FRK: variants seen among roughly 807,000 people sequenced by gnomAD.
FRK encodes fyn related Src family tyrosine kinase, also known as tyrosine-protein kinase FRK.
FRK carries 51 observed loss-of-function variants against 56.4 expected under a neutral mutation model. That is an observed-to-expected ratio of 0.90 (90% CI 0.72 to 1.14). FRK has a LOEUF of 1.14. Ranked by LOEUF, FRK falls within the 50% of genes most tolerant of loss-of-function variation. The pLI, the probability that FRK is intolerant of heterozygous loss-of-function variation, is 0.00. For missense variants in FRK, 570 were observed against 601.4 expected (o/e 0.95, Z 0.55); for synonymous variants, 245 against 217.9 (o/e 1.12, Z -1.10).
the FRK span, among the ~76,000 whole-genome samples, chr6:116,081,189 G>A: frequency 2.0e-4 from 30 of 152,178 alleles, no homozygotes; most frequent in South Asian, 6.2e-4. Flanking sequence ...ACAACATGCA[G>A]GGATTATGGG....
the FRK span, among the ~76,000 whole-genome samples, chr6:116,082,298 T>G: frequency 6.6e-6 from 1 of 152,202 alleles, no homozygotes; most frequent in Non-Finnish European, 1.5e-5. Flanking sequence ...TGAGTGAGGC[T>G]AAAAGCCACT....
chr6:116,098,169 T>G, the FRK span, among the ~76,000 whole-genome samples: 1 of 143,930 alleles, frequency 6.9e-6, no homozygotes, highest in Admixed American at 7.4e-5. Context: ...TGGAGTGCGA[T>G]GGCCTGATTC....
chr6:116,000,097 G>A (rs796228053), intron 2 of FRK, among the ~76,000 whole-genome samples: 30 of 151,928 alleles, frequency 2.0e-4, no homozygotes, highest in African/African-American at 7.0e-4. Context: ...CTGTAAAGCT[G>A]TTTTGTTCCA....
At chr6:115,977,355 C>G (rs1774027349) in intron 2 of FRK, among the ~76,000 whole-genome samples, 1 of 152,088 alleles carries the variant, frequency 6.6e-6, no homozygotes, top group Non-Finnish European at 1.5e-5. Context: ...GGAAAAATAT[C>G]CACTAAGACC....
chr6:116,063,576 A>G (rs2114847176), upstream of FRK, among the ~76,000 whole-genome samples: 1 of 152,050 alleles, frequency 6.6e-6, no homozygotes, highest in African/African-American at 2.4e-5. Context: ...GGGAATGGGG[A>G]GATGTTGGTT....
intron 2 of FRK, among the ~76,000 whole-genome samples, chr6:116,000,548 C>T (rs962413214): frequency 3.3e-5 from 5 of 151,968 alleles, no homozygotes; most frequent in African/African-American, 1.2e-4. Flanking sequence ...CACCCTGCCT[C>T]ATTCTTCTAT....
At chr6:116,060,951 T>C (rs1216289195), upstream of FRK, among the ~76,000 whole-genome samples, 1 of 152,206 alleles carries the variant, frequency 6.6e-6, no homozygotes, top group Non-Finnish European at 1.5e-5. Context: ...TATTCTGACC[T>C]CTTTACCCCT....
At position 115,935,878 on chromosome 6, in the gene FRK, C is replaced by A. The variant is rs769205903; in HGVS notation, c.*6536G>T. The A allele has an allele frequency of 1.3e-5, 2 of 152,386 alleles. No homozygotes were observed. The highest frequency in any genetic ancestry group is 2.4e-5 in the African/African-American group (1 of 41,446). 9.4% of individuals were successfully genotyped at this position (152,386 alleles called of 1,614,324 possible). A position where few individuals can be genotyped will look rare whatever the true frequency, so the allele number is the denominator to read the frequency against. The stretch of plus-strand genomic sequence containing the variant: ...TAGATAAAACCCCATCTCCCTGGGA[C>A]AGAGCACCTGTGGGAAGGGGTGGAT... On this transcript the variant is annotated 3_prime_UTR_variant, in exon 8 of 8. Transcript: ENST00000606080.
chr6:116,023,744 G>T (rs1411389888), intron 1 of FRK, among the ~76,000 whole-genome samples: 2 of 152,186 alleles, frequency 1.3e-5, no homozygotes, highest in African/African-American at 4.8e-5. Context: ...TTCGAAGCCA[G>T]CCTGGGCAAC....
At chr6:116,025,010 T>C (rs1396384291) in intron 1 of FRK, among the ~76,000 whole-genome samples, 6 of 152,340 alleles carry the variant, frequency 3.9e-5, no homozygotes, top group African/African-American at 1.4e-4. Flanking sequence ...ATTTCTCTGA[T>C]GGCCAGTGAT....
chr6:115,971,005 T>A (rs2114610409), intron 2 of FRK, among the ~76,000 whole-genome samples: 1 of 152,296 alleles, frequency 6.6e-6, no homozygotes, highest in South Asian at 2.1e-4. Context: ...CTTATTCTGT[T>A]TCTTAACTTG....
the FRK span, among the ~76,000 whole-genome samples, chr6:116,086,475 T>C: frequency 2.6e-5 from 4 of 152,218 alleles, no homozygotes; most frequent in East Asian, 1.9e-4. Context: ...GCTGTCTTTA[T>C]GCTGTAATTA....
chr6:116,023,008 A>G (rs1775935720), intron 1 of FRK, among the ~76,000 whole-genome samples: 2 of 152,168 alleles, frequency 1.3e-5, no homozygotes, highest in Non-Finnish European at 2.9e-5. Context: ...TTAAAGAGAC[A>G]CTTCACAAAA....
intron 2 of FRK, among the ~76,000 whole-genome samples, chr6:115,977,402 C>T (rs1765890088): frequency 6.6e-6 from 1 of 152,132 alleles, no homozygotes; most frequent in South Asian, 2.1e-4. Context: ...TTTATGCATA[C>T]AACTCAACCT....
At chr6:115,956,688 A>T in intron 4 of FRK, 78 bp from the exon 5 acceptor site, 1 of 1,171,540 alleles carries the variant, frequency 8.5e-7, no homozygotes, top group South Asian at 2.1e-5. Flanking sequence ...GGGAATCATC[A>T]AGATTGCCTC....
upstream of FRK, among the ~76,000 whole-genome samples, chr6:116,065,698 A>AT (rs1777749241): frequency 6.6e-6 from 1 of 152,192 alleles, no homozygotes. Context: ...AGCATAACCT[A>AT]TACCCATTTT....
At chr6:116,051,931 T>C (rs909394577) in intron 1 of FRK, among the ~76,000 whole-genome samples, 2 of 152,164 alleles carry the variant, frequency 1.3e-5, no homozygotes, top group Non-Finnish European at 2.9e-5. Context: ...AATTAGAAAT[T>C]ATGTATATTG....
intron 1 of FRK, among the ~76,000 whole-genome samples, chr6:116,012,633 T>C (rs964430574): frequency 1.3e-5 from 2 of 152,234 alleles, no homozygotes; most frequent in African/African-American, 2.4e-5. Context: ...TAAATACTTG[T>C]TGATGAAACA....
intron 4 of FRK, among the ~76,000 whole-genome samples, chr6:115,960,529 G>C (rs1338810765): frequency 6.9e-6 from 1 of 145,824 alleles, no homozygotes; most frequent in Non-Finnish European, 1.5e-5. Flanking sequence ...AGCTCGAACT[G>C]GGTGGAGCCC....
Sources: allele counts gnomAD v4.1 joint callset (sites outside exome capture counted in the v4.1 genomes callset), GRCh38; gene constraint gnomAD v4.1.1; transcripts MANE v1.5; gene names NCBI Gene and HGNC (gene_info 2026-07-23, HGNC 2026-07-21).